Variants in SPATS2L observed in about 807,000 individuals in gnomAD.
SPATS2L encodes the protein spermatogenesis associated serine rich 2 like.
In SPATS2L, 30 loss-of-function variants were observed where a neutral mutation model predicts 59.6. The ratio of observed to expected loss-of-function variants is 0.50; its 90% CI spans 0.38 to 0.68. The LOEUF (loss-of-function observed/expected upper bound fraction) is 0.68. Ranked by LOEUF, SPATS2L falls within the 30% of genes least tolerant of loss-of-function variation. SPATS2L has a pLI of 0.00. For synonymous variants in SPATS2L, 252 were observed against 263.5 expected (o/e 0.96, Z 0.42); for missense variants, 615 against 700.0 (o/e 0.88, Z 1.37).
chr2:200,477,196 G>A (rs2087594557), intron 12 of SPATS2L, among the ~76,000 whole-genome samples: 1 of 152,128 alleles, frequency 6.6e-6, no homozygotes, highest in African/African-American at 2.4e-5. Context: ...GTGGGTCTTG[G>A]CCAGGGACCC....
intron 8 of SPATS2L, among the ~76,000 whole-genome samples, chr2:200,451,101 T>G (rs111882910): frequency 0.044 from 6,651 of 152,208 alleles, 287 homozygotes; most frequent in East Asian, 0.12. Context: ...GGAGGATTGC[T>G]TGAGGCCAGG....
chr2:200,396,864 CA>C (rs1334503740), intron 3 of SPATS2L, among the ~76,000 whole-genome samples: 2 of 152,168 alleles, frequency 1.3e-5, no homozygotes, highest in Non-Finnish European at 1.5e-5. Flanking sequence ...AGGTTCTTGT[CA>C]TCATTTTCTC....
chr2:200,335,110 G>A (rs918954601), intron 2 of SPATS2L, among the ~76,000 whole-genome samples: 3 of 152,100 alleles, frequency 2.0e-5, no homozygotes, highest in Non-Finnish European at 4.4e-5. Context: ...GGGCAGTATG[G>A]CCATTTTCAC....
At chr2:200,359,141 G>A (rs1473373229) in intron 2 of SPATS2L, among the ~76,000 whole-genome samples, 3 of 152,160 alleles carry the variant, frequency 2.0e-5, no homozygotes, top group African/African-American at 7.2e-5. Flanking sequence ...ATCAATTAGG[G>A]TTGTTTAGTT....
intron 3 of SPATS2L, among the ~76,000 whole-genome samples, chr2:200,399,944 T>A (rs138121763): frequency 3.4e-3 from 515 of 152,262 alleles, no homozygotes; most frequent in African/African-American, 0.012. Flanking sequence ...ATCTGAAAAG[T>A]TCTGTGAATG....
At chr2:200,329,855 C>T (rs1171845911) in intron 2 of SPATS2L, among the ~76,000 whole-genome samples, 1 of 152,040 alleles carries the variant, frequency 6.6e-6, no homozygotes, top group African/African-American at 2.4e-5. Context: ...GTGGTGGGCT[C>T]TGGAGCCAGA....
chr2:200,349,357 C>T (rs145393477), intron 2 of SPATS2L, among the ~76,000 whole-genome samples: 17 of 152,256 alleles, frequency 1.1e-4, no homozygotes, highest in Non-Finnish European at 1.9e-4. Flanking sequence ...ACACGTAGGC[C>T]GGGCATGGTG....
rs780120821 is a variant in SPATS2L, at chr2:200,439,210, G to A, written c.534G>A (p.Gln178=). 2 of 1,613,660 alleles carry A rather than the reference G, an allele frequency of 1.2e-6. No individual in the cohort carries two copies. Among genetic ancestry groups the A allele is most frequent in the Non-Finnish European group, 1.7e-6 (2 of 1,179,658 alleles). Residue 178 remains glutamine (Q), a synonymous_variant, in exon 7 of 13, where the codon CAG becomes CAA. Transcript: ENST00000409140. ...HGTTERSDGL[Q]WSAEQPCNPS... ...CAACAGAGAGGTCAGATGGCCTACA[G>A]TGGTCAGCTGAGCAGCCTTGTAACC...
At chr2:200,347,674 G>A (rs2080562183) in intron 2 of SPATS2L, among the ~76,000 whole-genome samples, 1 of 152,162 alleles carries the variant, frequency 6.6e-6, no homozygotes, top group Non-Finnish European at 1.5e-5. Context: ...GCAAAGTAGG[G>A]CTAGGAGAAG....
intron 2 of SPATS2L, among the ~76,000 whole-genome samples, chr2:200,335,434 G>A (rs2080112044): frequency 6.6e-6 from 1 of 151,940 alleles, no homozygotes; most frequent in Non-Finnish European, 1.5e-5. Context: ...AGACAGGAAA[G>A]AGAAAGGACC....
At chr2:200,363,570 A>G (rs295128) in intron 2 of SPATS2L, among the ~76,000 whole-genome samples, 151,347 of 152,362 alleles carry the variant, frequency 0.99, 75,175 homozygotes, top group Middle Eastern at 1. Context: ...AAGGACATTC[A>G]TTATTTTAAC....
chr2:200,366,978 A>G (rs747549542), intron 2 of SPATS2L, among the ~76,000 whole-genome samples: 3 of 152,216 alleles, frequency 2.0e-5, no homozygotes, highest in Non-Finnish European at 2.9e-5. Flanking sequence ...AATTTGCTCA[A>G]CATTTGCTGG....
intron 8 of SPATS2L, among the ~76,000 whole-genome samples, chr2:200,452,578 C>T (rs2085536120): frequency 6.6e-6 from 1 of 152,180 alleles, no homozygotes; most frequent in Admixed American, 6.5e-5. Flanking sequence ...ACAATATTAA[C>T]ACATTGTATT....
rs202229517 is a variant in SPATS2L, at chr2:200,473,022, C to A, written c.1251C>A (p.Pro417=). ...GCAGTCTCCCCAGCACCGCCGACCC[C>A]TCTCACCAGACCATGCCGGCCAACA... The part of the protein sequence containing the change: ...MVSSLPSTAD[P]SHQTMPANKQ... The change falls in exon 12 of 13, where the codon CCC becomes CCA. Residue 417 remains proline (P), a synonymous_variant. Coordinates refer to ENST00000409140, the MANE Select transcript of SPATS2L (RefSeq NM_001100423.2). The A allele has an allele frequency of 6.2e-7, 1 of 1,613,650 alleles. No individual in the cohort carries two copies. Among genetic ancestry groups the A allele is most frequent in the African/African-American group, 1.3e-5 (1 of 74,928 alleles).
chr2:200,457,451 G>T (rs2085924974), intron 8 of SPATS2L, among the ~76,000 whole-genome samples: 1 of 152,180 alleles, frequency 6.6e-6, no homozygotes, highest in South Asian at 2.1e-4. Context: ...TGAGTAAGTT[G>T]GGGCAGAGAT....
intron 2 of SPATS2L, among the ~76,000 whole-genome samples, chr2:200,383,472 C>T (rs2081891942): frequency 6.6e-6 from 1 of 152,200 alleles, no homozygotes; most frequent in South Asian, 2.1e-4. Context: ...TTTAGACTAG[C>T]CACATTCAAA....
intron 2 of SPATS2L, among the ~76,000 whole-genome samples, chr2:200,346,420 G>A (rs1213598264): frequency 6.6e-6 from 1 of 152,150 alleles, no homozygotes; most frequent in Non-Finnish European, 1.5e-5. Flanking sequence ...CTGAAGTTGT[G>A]TGACTATGAT....
intron 6 of SPATS2L, among the ~76,000 whole-genome samples, chr2:200,433,757 C>A (rs2084093737): frequency 6.6e-6 from 1 of 151,968 alleles, no homozygotes; most frequent in Admixed American, 6.6e-5. Flanking sequence ...ACACAACTTA[C>A]CAAAACAGAC....
chr2:200,391,460 A>G (rs1036937820), intron 3 of SPATS2L, among the ~76,000 whole-genome samples: 4 of 152,328 alleles, frequency 2.6e-5, no homozygotes, highest in South Asian at 2.1e-4. Flanking sequence ...TAAATTTTAA[A>G]ACATTATTTT....
Sources: allele counts gnomAD v4.1 joint callset (sites outside exome capture counted in the v4.1 genomes callset), GRCh38; gene constraint gnomAD v4.1.1; transcripts MANE v1.5; gene names NCBI Gene and HGNC (gene_info 2026-07-23, HGNC 2026-07-21).